Variants in PCDHGB5 observed in about 807,000 individuals in gnomAD.
PCDHGB5 encodes protocadherin gamma subfamily B, 5, also known as protocadherin gamma-B5.
Under a neutral mutation model 62.9 loss-of-function variants are expected in PCDHGB5, and 48 were observed. The ratio of observed to expected loss-of-function variants is 0.76; its 90% CI spans 0.61 to 0.97. The LOEUF (loss-of-function observed/expected upper bound fraction) is 0.97. Ranked by LOEUF, PCDHGB5 falls within the 50% of genes least tolerant of loss-of-function variation. The pLI is 0.00. For synonymous variants in PCDHGB5, 474 were observed against 511.2 expected (o/e 0.93, Z 0.98); for missense variants, 1,118 against 1,198.6 (o/e 0.93, Z 0.99).
chr5:141,421,561 G>T (rs2096583505), intron 1 of PCDHGB5: 1 of 1,613,992 alleles, frequency 6.2e-7, no homozygotes, highest in Non-Finnish European at 8.5e-7. Context: ...ACTTCTCGTG[G>T]AAGACACCTT....
intron 1 of PCDHGB5, chr5:141,414,452 T>C (rs767824112): frequency 6.2e-7 from 1 of 1,613,886 alleles, no homozygotes. Flanking sequence ...AATATCACAG[T>C]GACAGCCACA....
chr5:141,423,092 A>T (rs2096708373), intron 1 of PCDHGB5: 5 of 1,613,952 alleles, frequency 3.1e-6, no homozygotes, highest in South Asian at 2.2e-5. Flanking sequence ...GCGGTGGGGG[A>T]GCACACGGGC....
intron 1 of PCDHGB5, chr5:141,478,557 G>A (rs1316386006): frequency 1.2e-6 from 2 of 1,600,016 alleles, no homozygotes; most frequent in Non-Finnish European, 1.7e-6. Context: ...GTAAGGTTTA[G>A]CAAGTCATGC....
At chr5:141,482,089 CAA>C (rs36035257) in intron 1 of PCDHGB5, among the ~76,000 whole-genome samples, 9,071 of 134,384 alleles carry the variant, frequency 0.068, 318 homozygotes, top group South Asian at 0.13. Context: ...CACTCCATCT[CAA>C]AAAAAAAAAA....
chr5:141,477,566 C>T lies in PCDHGB5; in HGVS notation c.2398-17241C>T, dbSNP rs749100730. On this transcript the variant is annotated intron_variant, in intron 1 of 3. Coordinates refer to ENST00000617380, the MANE Select transcript of PCDHGB5 (RefSeq NM_018925.3). The surrounding 1 kb of genome is among the most constrained non-coding windows in gnomAD (Gnocchi z 4.9). ...AATACTAAACCTAAGTGTCTGGGAC[C>T]CCGACGCCCCGCAGAATGCTCGGCT... The T allele has an allele frequency of 1.9e-6, 3 of 1,613,988 alleles. No homozygotes were observed. The highest frequency in any genetic ancestry group is 8.5e-7 in the Non-Finnish European group (1 of 1,180,032).
chr5:141,504,765 C>T lies in PCDHGB5; in HGVS notation c.2457-628C>T, dbSNP rs548234873. ...ATTGAATTTTAGAAATTTCTTCTCC[C>T]TGCTCCAGGGTCTCTTGGGGCCTCC... On this transcript the variant is annotated intron_variant, in intron 2 of 3. Transcript: ENST00000617380. Among the ~76,000 whole-genome samples, 4 of 152,156 alleles carry T rather than the reference C, an allele frequency of 2.6e-5. No homozygotes were observed. The South Asian group carries it at 8.3e-4, about 32-fold the overall frequency.
Position 141,485,182 on chromosome 5 carries a change from C to A in PCDHGB5, c.2398-9625C>A. 6.2e-7 allele frequency: 1 copy of A among 1,613,070 alleles called. No individual in the cohort carries two copies. The highest frequency in any genetic ancestry group is 8.5e-7 in the Non-Finnish European group (1 of 1,179,154). On this transcript the variant is annotated intron_variant, in intron 1 of 3. Coordinates refer to ENST00000617380, the MANE Select transcript of PCDHGB5 (RefSeq NM_018925.3). This position sits in a 1 kb window ranked among gnomAD's most constrained non-coding sequence, Gnocchi z 5.7. ...ATTAGCGGGCGGCAGCAATGCTCCG[C>A]AAGGTGAGAAGCTGGACAGAAATCT...
intron 1 of PCDHGB5, chr5:141,409,193 TGTAAA>T (rs2095239502): frequency 1.2e-6 from 2 of 1,613,988 alleles, no homozygotes; most frequent in African/African-American, 1.3e-5. Context: ...CTCTACCCAG[TGTAAA>T]GTAATCATAG....
chr5:141,403,121 C>A, intron 1 of PCDHGB5: 1 of 1,614,046 alleles, frequency 6.2e-7, no homozygotes, highest in Middle Eastern at 1.6e-4. Context: ...TCTGGAGCCC[C>A]GGGAGCTGGC....
intron 1 of PCDHGB5, chr5:141,423,156 C>T (rs62378456): frequency 0.034 from 55,171 of 1,613,388 alleles, 1,070 homozygotes; most frequent in Middle Eastern, 0.098. Context: ...AGCAGAGCCT[C>T]GTGGTGGCCG....
chr5:141,425,394 G>C (rs186813737), intron 1 of PCDHGB5, among the ~76,000 whole-genome samples: 2 of 152,184 alleles, frequency 1.3e-5, no homozygotes, highest in Non-Finnish European at 2.9e-5. Context: ...TAGTGATAAA[G>C]TTCTGTTAAG....
chr5:141,413,836 G>A, intron 1 of PCDHGB5: 2 of 1,613,256 alleles, frequency 1.2e-6, no homozygotes, highest in Non-Finnish European at 1.7e-6. Context: ...CGCCTCCGAC[G>A]GGGGTGACCC....
chr5:141,421,997 G>A, intron 1 of PCDHGB5: 1 of 1,609,178 alleles, frequency 6.2e-7, no homozygotes. Flanking sequence ...GAAAACATCA[G>A]CTCCGGAACT....
chr5:141,439,556 C>A (rs543620281), intron 1 of PCDHGB5, among the ~76,000 whole-genome samples: 1 of 152,268 alleles, frequency 6.6e-6, no homozygotes, highest in East Asian at 1.9e-4. Context: ...CTTCAGGCTG[C>A]AGTTCTAGAG....
At chr5:141,415,347 C>G in intron 1 of PCDHGB5, 1 of 1,614,238 alleles carries the variant, frequency 6.2e-7, no homozygotes, top group South Asian at 1.1e-5. Flanking sequence ...GGCGCTGGCA[C>G]AAGTCACGCC....
At chr5:141,508,841 C>G (rs969875150) in intron 3 of PCDHGB5, among the ~76,000 whole-genome samples, 1 of 152,140 alleles carries the variant, frequency 6.6e-6, no homozygotes, top group Admixed American at 6.5e-5. Flanking sequence ...TCCCCTACCC[C>G]TTCCATTCCC....
intron 3 of PCDHGB5, among the ~76,000 whole-genome samples, chr5:141,509,022 C>G (rs2099873807): frequency 6.6e-6 from 1 of 152,206 alleles, no homozygotes; most frequent in East Asian, 1.9e-4. Context: ...CAGCTGCTCC[C>G]TCCCACTCAA....
Position 141,486,288 on chromosome 5 carries a change from T to C in PCDHGB5, c.2398-8519T>C. 5 of 1,613,996 alleles carry C rather than the reference T, an allele frequency of 3.1e-6. No individual in the cohort carries two copies. The highest frequency in any genetic ancestry group is 4.2e-6 in the Non-Finnish European group (5 of 1,179,986). ...GAACCTGGCACTGTGGTGGCACTTA[T>C]CAGTGTGCAGGATCCAGACTCAGGG... On this transcript the variant is annotated intron_variant, in intron 1 of 3. Coordinates refer to ENST00000617380, the MANE Select transcript of PCDHGB5 (RefSeq NM_018925.3). The surrounding 1 kb of genome is among the most constrained non-coding windows in gnomAD (Gnocchi z 5.0).
chr5:141,478,073 G>A (rs756198123), intron 1 of PCDHGB5: 1 of 1,614,098 alleles, frequency 6.2e-7, no homozygotes, highest in Admixed American at 1.7e-5. Context: ...AGACAATGGG[G>A]AGCCTTCGCT....
Sources: gnomAD v4.1 joint callset for allele counts (sites outside exome capture counted in the v4.1 genomes callset) on GRCh38, gnomAD v4.1.1 for gene constraint, Gnocchi (gnomAD v3.1) non-coding constraint, MANE v1.5 for transcripts, NCBI Gene and HGNC (gene_info 2026-07-23, HGNC 2026-07-21) for gene names.